Variants in DNAH6 observed in about 807,000 individuals in gnomAD.
DNAH6 encodes the protein dynein axonemal heavy chain 6.
DNAH6 carries 340 observed loss-of-function variants against 491.4 expected under a neutral mutation model. The observed-to-expected ratio is 0.69, with a 90% CI of 0.63 to 0.76. The LOEUF (loss-of-function observed/expected upper bound fraction) is 0.76. Among genes scored for constraint, DNAH6 ranks in the 30% least tolerant of loss-of-function variants. The pLI is 0.00. For missense variants in DNAH6, 4,443 were observed against 4,972.2 expected (o/e 0.89, Z 3.20); for synonymous variants, 1,603 against 1,686.1 (o/e 0.95, Z 1.21).
At chr2:84,496,903 C>G in the DNAH6 span, among the ~76,000 whole-genome samples, 2 of 151,926 alleles carry the variant, frequency 1.3e-5, no homozygotes, top group Non-Finnish European at 2.9e-5. Context: ...CTGATCTATT[C>G]CCTATCACTG....
chr2:84,647,438 G>C (rs1441041455), intron 33 of DNAH6, among the ~76,000 whole-genome samples: 2 of 152,154 alleles, frequency 1.3e-5, no homozygotes, highest in Non-Finnish European at 2.9e-5. Context: ...AGTGAAAAAG[G>C]AGAAACCAAC....
rs1027462268 is a variant in DNAH6, at chr2:84,705,610, C to T, written c.8590C>T (p.Pro2864Ser). Residue 2864 changes from proline to serine, a missense_variant, in exon 52 of 77, where the codon CCT (proline) becomes TCT (serine). By Grantham distance (74) the Pro-to-Ser change is moderately conservative. Around this residue, in one of 3 missense-constraint regions of DNAH6, gnomAD observed 1,463 missense variants for 1,656.6 expected, o/e 0.88. Coordinates refer to ENST00000389394, the MANE Select transcript of DNAH6 (RefSeq NM_001370.2). Reference sequence around the variant, plus strand: ...AAAGCTTCAAAAGTATATTAATAATCCTGATTTTGTGCCTGAAAAAGTGGA... The same window carrying T: ...AAAGCTTCAAAAGTATATTAATAATTCTGATTTTGTGCCTGAAAAAGTGGA... ...LAKLQKYINNPDFVPEKVEKV... is the reference protein window; with the variant it reads ...LAKLQKYINNSDFVPEKVEKV... 1.9e-6 allele frequency: 3 copies of T among 1,551,406 alleles called. No homozygotes were observed. Among genetic ancestry groups the T allele is most frequent in the Admixed American group, 2.0e-5 (1 of 50,960 alleles).
chr2:84,516,453 G>T (rs1187897979), upstream of DNAH6: 2 of 152,256 alleles, frequency 1.3e-5, no homozygotes, highest in African/African-American at 4.8e-5. Flanking sequence ...CAGTGGCGCA[G>T]TGCTTCCGTA....
intron 1 of DNAH6, among the ~76,000 whole-genome samples, chr2:84,517,526 T>C (rs1675713835): frequency 6.6e-6 from 1 of 152,222 alleles, no homozygotes; most frequent in Non-Finnish European, 1.5e-5. Context: ...TAGACCAGTG[T>C]GGTCTCCAGA....
chr2:84,614,010 TTTTA>T (rs57645053), intron 22 of DNAH6, among the ~76,000 whole-genome samples: 6 of 151,244 alleles, frequency 4.0e-5, no homozygotes, highest in African/African-American at 1.2e-4. Flanking sequence ...TGCCATTCCA[TTTTA>T]TTTATTTATT....
chr2:84,632,784 A>G (rs1448243240), intron 29 of DNAH6, among the ~76,000 whole-genome samples: 1 of 151,656 alleles, frequency 6.6e-6, no homozygotes, highest in Non-Finnish European at 1.5e-5. Flanking sequence ...CTTTTTTTAG[A>G]GTATCTTGTT....
Position 84,819,463 on chromosome 2 carries a change from G to A in DNAH6, c.*55G>A. 8 of 1,168,346 alleles carry A rather than the reference G, an allele frequency of 6.8e-6. No homozygotes were observed. Among genetic ancestry groups the A allele is most frequent in the Non-Finnish European group, 8.5e-6 (7 of 818,850 alleles). 72.4% of individuals were successfully genotyped at this position (1,168,346 alleles called of 1,614,324 possible). On this transcript the variant is annotated 3_prime_UTR_variant, in exon 77 of 77. Coordinates refer to ENST00000389394, the MANE Select transcript of DNAH6 (RefSeq NM_001370.2). ...CCAGGCCAGAGATCTTTCCTAATGGGAGCAAAAGGTTTGAATAATTTATAT... is the reference window on the plus strand; with the variant it reads ...CCAGGCCAGAGATCTTTCCTAATGGAAGCAAAAGGTTTGAATAATTTATAT...
At position 84,547,506 on chromosome 2, in the gene DNAH6, A is replaced by G; in HGVS notation, c.1080A>G (p.Leu360=). 1.3e-6 allele frequency: 2 copies of G among 1,551,694 alleles called. No individual in the cohort carries two copies. The highest frequency in any genetic ancestry group is 1.2e-5 in the South Asian group (1 of 84,052). The part of the protein sequence containing the change: ...VIRLAEVTER[L]GEFRNEAKYV... The stretch of plus-strand genomic sequence containing the variant: ...ACAATATCTAGGTGACAGAACGCCT[A>G]GGAGAATTTCGAAATGAGGCAAAAT... Residue 360 remains leucine (L), a synonymous_variant, in exon 7 of 77, where the codon CTA becomes CTG. Coordinates refer to ENST00000389394, the MANE Select transcript of DNAH6 (RefSeq NM_001370.2).
At chr2:84,800,984 A>G (rs1678836624) in intron 70 of DNAH6, among the ~76,000 whole-genome samples, 1 of 151,358 alleles carries the variant, frequency 6.6e-6, no homozygotes, top group African/African-American at 2.4e-5. Context: ...TTCTCAGTAA[A>G]CTATCGCAAG....
chr2:84,778,662 G>T (rs1295239012), intron 64 of DNAH6, among the ~76,000 whole-genome samples: 1 of 151,900 alleles, frequency 6.6e-6, no homozygotes, highest in Non-Finnish European at 1.5e-5. Context: ...CACTATGCCT[G>T]GCTAATTTCT....
chr2:84,730,175 GCAA>G (rs1431460279), intron 61 of DNAH6, among the ~76,000 whole-genome samples: 1 of 152,144 alleles, frequency 6.6e-6, no homozygotes, highest in African/African-American at 2.4e-5. Flanking sequence ...CTAGAAGGTG[GCAA>G]CAACAACAAA....
intron 45 of DNAH6, among the ~76,000 whole-genome samples, chr2:84,693,516 G>A (rs912307953): frequency 2.0e-5 from 3 of 152,110 alleles, no homozygotes; most frequent in Non-Finnish European, 2.9e-5. Flanking sequence ...GGCCAAGGCA[G>A]GCGAATCATG....
chr2:84,479,474 C>T, the DNAH6 span, among the ~76,000 whole-genome samples: 1 of 152,186 alleles, frequency 6.6e-6, no homozygotes, highest in African/African-American at 2.4e-5. Flanking sequence ...GGGCTTTTAC[C>T]TAGTTTAATA....
intron 41 of DNAH6, among the ~76,000 whole-genome samples, chr2:84,680,487 G>A (rs1304717621): frequency 6.6e-6 from 1 of 151,958 alleles, no homozygotes; most frequent in Non-Finnish European, 1.5e-5. Context: ...CTGGAGAGAC[G>A]GCATGTAACC....
intron 61 of DNAH6, among the ~76,000 whole-genome samples, chr2:84,730,442 A>C (rs777778340): frequency 1.2e-4 from 18 of 152,204 alleles, no homozygotes; most frequent in Admixed American, 2.6e-4. Flanking sequence ...TTAAATGATG[A>C]TATTTTAAAC....
chr2:84,806,785 C>G (rs1274376223), intron 71 of DNAH6, among the ~76,000 whole-genome samples: 3 of 152,106 alleles, frequency 2.0e-5, no homozygotes, highest in African/African-American at 7.2e-5. Flanking sequence ...GCAACTGAGT[C>G]CTGCTAATGC....
chr2:84,784,532 A>G (rs1676994194), intron 65 of DNAH6, among the ~76,000 whole-genome samples, 190 bp from the exon 66 acceptor site: 1 of 152,212 alleles, frequency 6.6e-6, no homozygotes, highest in Non-Finnish European at 1.5e-5. Flanking sequence ...TCCTAACGTG[A>G]AGTTTCTAAA....
intron 29 of DNAH6, among the ~76,000 whole-genome samples, chr2:84,626,112 T>TA (rs567691326): frequency 6.1e-4 from 90 of 147,736 alleles, no homozygotes; most frequent in East Asian, 1.6e-3. Flanking sequence ...ACAGATCCCC[T>TA]AAAAAAAAAA....
the DNAH6 span, among the ~76,000 whole-genome samples, chr2:84,482,708 C>T: frequency 6.6e-6 from 1 of 152,236 alleles, no homozygotes; most frequent in Non-Finnish European, 1.5e-5. Flanking sequence ...TTATCAGGGC[C>T]TAGCAGATGT....
Sources: gnomAD v4.1 joint callset for allele counts (sites outside exome capture counted in the v4.1 genomes callset) on GRCh38, gnomAD v4.1.1 for gene constraint, gnomAD v4.1.1 regional missense constraint, MANE v1.5 for transcripts, NCBI Gene and HGNC (gene_info 2026-07-23, HGNC 2026-07-21) for gene names.